PPP6R2: variants seen among roughly 807,000 people sequenced by gnomAD.
PPP6R2 encodes the protein serine/threonine-protein phosphatase 6 regulatory subunit 2.
A neutral mutation model predicts 100.2 loss-of-function variants in PPP6R2; 62 were observed. That is an observed-to-expected ratio of 0.62 (90% CI 0.50 to 0.76). PPP6R2 has a LOEUF of 0.76. PPP6R2 is among the 30% of genes least tolerant of loss of function. The pLI, the probability that PPP6R2 is intolerant of heterozygous loss-of-function variation, is 0.00. For synonymous variants in PPP6R2, 525 were observed against 514.7 expected, an observed-to-expected ratio of 1.02 and a Z score of -0.27; for missense variants, 1,142 against 1,276.3, an observed-to-expected ratio of 0.89 and a Z score of 1.60.
At chr22:50,335,516 T>A in the PPP6R2 span, among the ~76,000 whole-genome samples, 4 of 149,822 alleles carry the variant, frequency 2.7e-5, no homozygotes, top group Non-Finnish European at 1.5e-5. Context: ...TTTTGTTTTG[T>A]TTTGTTTTGT....
intron 2 of PPP6R2, among the ~76,000 whole-genome samples, chr22:50,377,857 A>C (rs573659708): frequency 6.6e-4 from 100 of 152,176 alleles, no homozygotes; most frequent in African/African-American, 2.2e-3. Context: ...AAACACAAAA[A>C]GTAGCTCAGC....
At chr22:50,356,384 C>T (rs2148224659) in intron 1 of PPP6R2, among the ~76,000 whole-genome samples, 1 of 148,346 alleles carries the variant, frequency 6.7e-6, no homozygotes, top group Middle Eastern at 3.5e-3. Context: ...TCACAGAAGT[C>T]TCAACCTTCC....
chr22:50,385,814 C>CTTTTTT (rs1192671164), intron 2 of PPP6R2, among the ~76,000 whole-genome samples: 1 of 75,396 alleles, frequency 1.3e-5, no homozygotes, highest in Non-Finnish European at 2.3e-5. Flanking sequence ...CCGCGCCCAG[C>CTTTTTT]TTTTTTTTTT....
chr22:50,427,243 C>T (rs953805776), intron 10 of PPP6R2, among the ~76,000 whole-genome samples: 2 of 150,976 alleles, frequency 1.3e-5, no homozygotes, highest in Non-Finnish European at 2.9e-5. Context: ...TCTGGACTCT[C>T]TGTTCTGTTT....
At chr22:50,339,981 T>A (rs374257247), upstream of PPP6R2, among the ~76,000 whole-genome samples, 10,144 of 134,238 alleles carry the variant, frequency 0.076, 1,000 homozygotes, top group African/African-American at 0.24. Flanking sequence ...GTGTGTGGTA[T>A]GTAGTGTGTG....
intron 6 of PPP6R2, among the ~76,000 whole-genome samples, chr22:50,417,126 T>A (rs1388961928): frequency 2.0e-5 from 3 of 152,150 alleles, no homozygotes; most frequent in Non-Finnish European, 4.4e-5. Flanking sequence ...CTGTTGAGTC[T>A]CACAAAATAC....
At chr22:50,413,017 A>C (rs2059988234) in intron 4 of PPP6R2, among the ~76,000 whole-genome samples, 2 of 144,290 alleles carry the variant, frequency 1.4e-5, no homozygotes, top group South Asian at 2.2e-4. Context: ...CTGGAGTGCA[A>C]TGGTGCGATC....
At chr22:50,434,246 G>A (rs1259229372) in intron 12 of PPP6R2, among the ~76,000 whole-genome samples, 1 of 74,782 alleles carries the variant, frequency 1.3e-5, no homozygotes, top group Non-Finnish European at 2.7e-5. Context: ...GGCAGGGGCC[G>A]GGCACTTGCC....
intron 2 of PPP6R2, among the ~76,000 whole-genome samples, chr22:50,381,133 AG>A: frequency 6.9e-6 from 1 of 145,954 alleles, no homozygotes; most frequent in South Asian, 2.3e-4. Flanking sequence ...AAAAAAAAAG[AG>A]AACTCAGTTA....
Position 50,438,312 on chromosome 22 carries a change from C to A in PPP6R2, c.1964+14C>A. 1 of 1,606,776 alleles carries A rather than the reference C, an allele frequency of 6.2e-7. No individual in the cohort carries two copies. On this transcript the variant is annotated intron_variant, in intron 18 of 23. Coordinates refer to ENST00000612753, the MANE Select transcript of PPP6R2 (RefSeq NM_001242898.2). The stretch of plus-strand genomic sequence containing the variant: ...GGCCAGACCCAGGTGCGGGGCCTGC[C>A]CATCCCCACAAAGCCTCTGCCGAGG...
intron 3 of PPP6R2, among the ~76,000 whole-genome samples, chr22:50,405,999 CAGAGAGGTGAGAGGCCTGG>C (rs1310968999): frequency 1.4e-5 from 1 of 71,042 alleles, no homozygotes; most frequent in Non-Finnish European, 2.7e-5. Context: ...GAGAGACCTG[CAGAGAGGTGAGAGGCCTGG>C]AGAGAGGTGA....
At chr22:50,353,817 CTTTT>C (rs111868603) in intron 1 of PPP6R2, among the ~76,000 whole-genome samples, 6 of 137,366 alleles carry the variant, frequency 4.4e-5, no homozygotes, top group Admixed American at 3.7e-4. Flanking sequence ...AAGCCTCTCC[CTTTT>C]TTTTTTTTTT....
At chr22:50,332,418 A>G in the PPP6R2 span, among the ~76,000 whole-genome samples, 1 of 151,080 alleles carries the variant, frequency 6.6e-6, no homozygotes, top group East Asian at 2.0e-4. Context: ...TTTTAGTAGA[A>G]GCGGGGTTTC....
rs138257540 is a variant in PPP6R2, at chr22:50,398,392, C to G, written c.227+4257C>G. 4.4e-3 allele frequency among the ~76,000 whole-genome samples: 654 copies of G among 149,244 alleles called. 8 individuals are homozygous for G. The highest frequency in any genetic ancestry group is 0.015 in the African/African-American group (612 of 40,620). On this transcript the variant is annotated intron_variant, in intron 3 of 23. Transcript: ENST00000612753. ...TTCACCATGTTGGCCAGGCTGGTCT[C>G]GAATTCCCGACCTCAGGTGATCCAT...
rs544671854 is a variant in PPP6R2, at chr22:50,440,753, A to G, written c.2375-69A>G. ...AGAGGGCCACATGTATGGGGACCCT[A>G]TGGCTGGAGTGGCCGCACCCTGTGA... On this transcript the variant is annotated intron_variant, in intron 21 of 23. Coordinates refer to ENST00000612753, the MANE Select transcript of PPP6R2 (RefSeq NM_001242898.2). The G allele has an allele frequency of 2.9e-4, 456 of 1,548,912 alleles. 3 individuals are homozygous for G. The African/African-American group carries it at 5.5e-3, about 19-fold the overall frequency.
chr22:50,375,428 T>C (rs1234461474), intron 2 of PPP6R2, among the ~76,000 whole-genome samples: 1 of 152,186 alleles, frequency 6.6e-6, no homozygotes, highest in Non-Finnish European at 1.5e-5. Context: ...GCTTTGAGTT[T>C]AGAGGATTTG....
intron 2 of PPP6R2, among the ~76,000 whole-genome samples, chr22:50,384,677 G>A (rs955594971): frequency 1.4e-4 from 21 of 152,254 alleles, no homozygotes; most frequent in Non-Finnish European, 2.5e-4. Flanking sequence ...CCAAGGTGGC[G>A]TGGGACATCA....
chr22:50,395,488 G>C (rs1416250167), intron 3 of PPP6R2, among the ~76,000 whole-genome samples: 1 of 152,214 alleles, frequency 6.6e-6, no homozygotes, highest in East Asian at 1.9e-4. Flanking sequence ...GATACATACA[G>C]GTTAGCAAAC....
At position 50,418,893 on chromosome 22, in the gene PPP6R2, C is replaced by T; in HGVS notation, c.645C>T (p.Leu215=). The change falls in exon 7 of 24, where the codon CTC becomes CTT. Residue 215 remains leucine, a synonymous_variant. Coordinates refer to ENST00000612753, the MANE Select transcript of PPP6R2 (RefSeq NM_001242898.2). ...GGCAGTCAAATGCTTCTCAGACTCT[C>T]TGTGACATAGTTAGGCTGGGCAGAG... The part of the protein sequence containing the change: ...EDRQSNASQT[L]CDIVRLGRDQ... 1 of 1,613,866 alleles carries T rather than the reference C, an allele frequency of 6.2e-7. No homozygotes were observed. Among genetic ancestry groups the T allele is most frequent in the Non-Finnish European group, 8.5e-7 (1 of 1,179,812 alleles).
Sources: allele counts gnomAD v4.1 joint callset (sites outside exome capture counted in the v4.1 genomes callset), GRCh38; gene constraint gnomAD v4.1.1; transcripts MANE v1.5; gene names NCBI Gene and HGNC (gene_info 2026-07-23, HGNC 2026-07-21).